SRSF11: variants seen among roughly 807,000 people sequenced by gnomAD.
SRSF11 encodes serine/arginine-rich splicing factor 11.
SRSF11 carries 9 observed loss-of-function variants against 56.0 expected under a neutral mutation model. The ratio of observed to expected loss-of-function variants is 0.16; its 90% CI spans 0.10 to 0.28. The LOEUF is 0.28. Ranked by LOEUF, SRSF11 falls within the 10% of genes least tolerant of loss-of-function variation. The probability of loss-of-function intolerance (pLI) is 1.00; values close to 1 mark genes in which losing one functional copy is unlikely to be tolerated. For synonymous variants in SRSF11, 222 were observed against 215.3 expected (o/e 1.03, Z -0.27); for missense variants, 421 against 600.7 (o/e 0.70, Z 3.13).
chr1:70,221,964 T>C (rs917368556), intron 1 of SRSF11, 125 bp downstream of exon 1: 18 of 1,456,506 alleles, frequency 1.2e-5, no homozygotes, highest in Non-Finnish European at 1.6e-5. Context: ...TGGTGGCTGG[T>C]GGATTTACTT....
intron 1 of SRSF11, among the ~76,000 whole-genome samples, chr1:70,223,618 C>T (rs746302273): frequency 1.3e-5 from 2 of 152,138 alleles, no homozygotes; most frequent in African/African-American, 2.4e-5. Flanking sequence ...CATTTATCTT[C>T]CCACATACAA....
intron 5 of SRSF11, among the ~76,000 whole-genome samples, chr1:70,236,602 T>G (rs912195160): frequency 1.1e-4 from 16 of 151,844 alleles, no homozygotes; most frequent in Non-Finnish European, 2.2e-4. Context: ...AGTGCTGGGC[T>G]TACAGGCATG....
chr1:70,236,513 G>C (rs1674077561), intron 5 of SRSF11, among the ~76,000 whole-genome samples: 1 of 151,716 alleles, frequency 6.6e-6, no homozygotes, highest in Non-Finnish European at 1.5e-5. Flanking sequence ...TGTACTTTTA[G>C]TAGAGACGGG....
chr1:70,207,619 A>G (rs1669166862), intron 1 of SRSF11, among the ~76,000 whole-genome samples: 1 of 151,920 alleles, frequency 6.6e-6, no homozygotes, highest in Admixed American at 6.6e-5. Context: ...TATAGTAACA[A>G]CCTACCTTTG....
intron 3 of SRSF11, 86 bp from the exon 4 acceptor site, chr1:70,234,610 C>G (rs1174567401): frequency 2.5e-5 from 27 of 1,073,588 alleles, no homozygotes; most frequent in Non-Finnish European, 3.2e-5. Context: ...AAGTTGTTAT[C>G]TGACCCTTTA....
chr1:70,238,734 C>G (rs1674673145), intron 6 of SRSF11, among the ~76,000 whole-genome samples: 1 of 152,034 alleles, frequency 6.6e-6, no homozygotes, highest in Non-Finnish European at 1.5e-5. Context: ...TGTGAAGAAT[C>G]AAGGAAAGGA....
At position 70,246,841 on chromosome 1, in the gene SRSF11, A is replaced by G. The variant is rs1218998685; in HGVS notation, c.956A>G (p.Glu319Gly). The G allele has an allele frequency of 1.2e-6, 2 of 1,611,234 alleles. No individual in the cohort carries two copies. Among genetic ancestry groups the G allele is most frequent in the East Asian group, 2.2e-5 (1 of 44,760 alleles). The change falls in exon 9 of 12, where the codon GAA becomes GGA. Residue 319 changes from glutamate (E) to glycine (G), a missense_variant. Coordinates refer to ENST00000370949, the MANE Select transcript of SRSF11 (RefSeq NM_001350605.2). Reference protein sequence around the residue: ...KTRDKKKEDKEKKRSKTPPKS... With the variant: ...KTRDKKKEDKGKKRSKTPPKS... ...AGAGACAAAAAGAAAGAAGACAAAGAAAAGAAACGTTCTAAAACACCACCA... is the reference window on the plus strand; with the variant it reads ...AGAGACAAAAAGAAAGAAGACAAAGGAAAGAAACGTTCTAAAACACCACCA...
At chr1:70,227,211 T>C (rs569431422) in intron 1 of SRSF11, among the ~76,000 whole-genome samples, 1 of 152,208 alleles carries the variant, frequency 6.6e-6, no homozygotes, top group South Asian at 2.1e-4. Flanking sequence ...CTGAAATTCT[T>C]AGTATAACCA....
chr1:70,208,137 A>G (rs145244636), intron 1 of SRSF11, among the ~76,000 whole-genome samples: 216 of 152,246 alleles, frequency 1.4e-3, no homozygotes, highest in African/African-American at 5.1e-3. Context: ...GAAGTTAAAT[A>G]TTTCATTATT....
At chr1:70,221,904 T>C (rs1417431029) in intron 1 of SRSF11, 65 bp downstream of exon 1, 40 of 1,595,334 alleles carry the variant, frequency 2.5e-5, no homozygotes, top group Non-Finnish European at 3.3e-5. Context: ...ACACACACAA[T>C]TTCCTTAGGC....
At chr1:70,244,280 TGAG>T (rs779111374) in intron 7 of SRSF11, among the ~76,000 whole-genome samples, 18 of 152,302 alleles carry the variant, frequency 1.2e-4, no homozygotes, top group South Asian at 8.3e-4. Flanking sequence ...TGATTTATGA[TGAG>T]GAAGGTTTAA....
rs1267600240 is a variant in SRSF11, at chr1:70,221,497, G to GGCGGCATCGGCA, written c.-137_-126dup. 1.6e-6 allele frequency: 2 copies of GGCGGCATCGGCA among 1,235,406 alleles called. No individual in the cohort carries two copies. The highest frequency in any genetic ancestry group is 5.2e-5 in the East Asian group (2 of 38,396). The allele number at this position is 1,235,406 out of a possible 1,614,324, so 76.5% of individuals were successfully genotyped here. On this transcript the variant is annotated 5_prime_UTR_variant, in exon 1 of 12. Transcript: ENST00000370949. ...GGGGCGGAGAAACGGCGGCGGCGGC[G>GGCGGCATCGGCA]GCGGCATCGGCAGCAGTAGCAGAGG...
In SRSF11 at chr1:70,221,514, T is replaced by C. The variant is rs1670609260; in HGVS notation, c.-123T>C. 3 of 1,308,588 alleles carry C rather than the reference T, an allele frequency of 2.3e-6. No individual in the cohort carries two copies. The highest frequency in any genetic ancestry group is 3.1e-6 in the Non-Finnish European group (3 of 965,416). The allele number at this position is 1,308,588 out of a possible 1,614,324, so 81.1% of individuals were successfully genotyped here. The stretch of plus-strand genomic sequence containing the variant: ...GCGGCGGCGGCGGCATCGGCAGCAG[T>C]AGCAGAGGCTGTAGCATCGGACACC... On this transcript the variant is annotated 5_prime_UTR_variant, in exon 1 of 12. Transcript: ENST00000370949.
At chr1:70,240,352 T>C (rs1675064991) in intron 7 of SRSF11, among the ~76,000 whole-genome samples, 1 of 152,242 alleles carries the variant, frequency 6.6e-6, no homozygotes, top group Non-Finnish European at 1.5e-5. Flanking sequence ...GTGAAGAAGA[T>C]AGTGAGTGAC....
chr1:70,227,720 C>G (rs1371940310), intron 1 of SRSF11, among the ~76,000 whole-genome samples: 1 of 152,168 alleles, frequency 6.6e-6, no homozygotes, highest in African/African-American at 2.4e-5. Context: ...TGCAGTTTAG[C>G]ACTTGTCTTT....
In SRSF11 at chr1:70,228,428, G is replaced by T; in HGVS notation, c.210G>T (p.Ser70=). The T allele has an allele frequency of 6.2e-7, 1 of 1,603,204 alleles. No homozygotes were observed. Among genetic ancestry groups the T allele is most frequent in the Non-Finnish European group, 8.5e-7 (1 of 1,174,586 alleles). ...TTATTTGTTTATTTTTTAGTGATTC[G>T]CCTTTGCCAGTCTCATCTCGTGTCT... ...DELRLFPPDD[S]PLPVSSRVCF... The change falls in exon 2 of 12, where the codon TCG becomes TCT. Residue 70 remains serine, a synonymous_variant. Transcript: ENST00000370949.
chr1:70,225,021 A>G (rs751770684), intron 1 of SRSF11, among the ~76,000 whole-genome samples: 4 of 152,234 alleles, frequency 2.6e-5, no homozygotes, highest in East Asian at 1.9e-4. Flanking sequence ...CATACTGCCA[A>G]TGTCAGAACT....
chr1:70,216,288 A>G (rs1272889107), intron 1 of SRSF11, among the ~76,000 whole-genome samples: 2 of 151,832 alleles, frequency 1.3e-5, no homozygotes, highest in African/African-American at 2.4e-5. Context: ...TTTTTTTTCA[A>G]TGTAGTGGTT....
At chr1:70,212,946 G>C (rs1357385776) in intron 1 of SRSF11, among the ~76,000 whole-genome samples, 2 of 152,042 alleles carry the variant, frequency 1.3e-5, no homozygotes, top group Non-Finnish European at 2.9e-5. Flanking sequence ...CAGCTACTGG[G>C]GGGGTGGGGG....
Sources: allele counts gnomAD v4.1 joint callset (sites outside exome capture counted in the v4.1 genomes callset), GRCh38; gene constraint gnomAD v4.1.1; transcripts MANE v1.5; gene names NCBI Gene and HGNC (gene_info 2026-07-23, HGNC 2026-07-21).